LRP1B: variants seen among roughly 807,000 people sequenced by gnomAD.
LRP1B encodes LDL receptor related protein 1B, also known as low-density lipoprotein receptor-related protein 1B.
A neutral mutation model predicts 556.6 loss-of-function variants in LRP1B; 217 were observed. The observed-to-expected ratio is 0.39, with a 90% CI of 0.35 to 0.44. The LOEUF is 0.44. Ranked by LOEUF, LRP1B falls within the 20% of genes least tolerant of loss-of-function variation. The pLI is 1.00. For missense variants in LRP1B, 5,053 were observed against 5,620.8 expected, an observed-to-expected ratio of 0.90 and a Z score of 3.23; for synonymous variants, 2,047 against 1,865.8, an observed-to-expected ratio of 1.10 and a Z score of -2.50.
chr2:141,915,824 A>C (rs1008551543), intron 1 of LRP1B, among the ~76,000 whole-genome samples: 1 of 152,174 alleles, frequency 6.6e-6, no homozygotes, highest in African/African-American at 2.4e-5. Context: ...CAAACATATA[A>C]AAAATGCTCA....
At chr2:141,413,089 T>C (rs1357109620) in intron 3 of LRP1B, among the ~76,000 whole-genome samples, 2 of 152,086 alleles carry the variant, frequency 1.3e-5, no homozygotes, top group African/African-American at 4.8e-5. Context: ...TAGCCAGACA[T>C]GGTGGTGCAC....
intron 84 of LRP1B, among the ~76,000 whole-genome samples, chr2:140,295,296 C>T (rs1209305113): frequency 6.6e-6 from 1 of 152,146 alleles, no homozygotes; most frequent in Non-Finnish European, 1.5e-5. Context: ...TGAAAAGGAA[C>T]ATTGGCCTAG....
chr2:142,086,441 GT>G (rs968294803), intron 1 of LRP1B, among the ~76,000 whole-genome samples: 9 of 151,944 alleles, frequency 5.9e-5, no homozygotes, highest in African/African-American at 2.2e-4. Flanking sequence ...AACCTCCTCT[GT>G]ACAAATGCAA....
At chr2:140,509,633 C>T (rs765946888) in intron 52 of LRP1B, among the ~76,000 whole-genome samples, 12 of 152,102 alleles carry the variant, frequency 7.9e-5, no homozygotes, top group Non-Finnish European at 1.5e-4. Context: ...CTACTGCACT[C>T]GTACACATAA....
chr2:141,743,961 G>GATTA (rs140425133), intron 2 of LRP1B, among the ~76,000 whole-genome samples: 37 of 150,840 alleles, frequency 2.5e-4, no homozygotes, highest in African/African-American at 8.5e-4. Context: ...CTTTTTGTTT[G>GATTA]ATTCTTTATA....
intron 18 of LRP1B, among the ~76,000 whole-genome samples, chr2:140,953,093 T>C (rs971028489): frequency 6.6e-6 from 1 of 152,048 alleles, no homozygotes; most frequent in Non-Finnish European, 1.5e-5. Flanking sequence ...TTTTGTTTGT[T>C]TGTTTGTTTG....
chr2:141,038,839 G>A (rs1044815957), intron 11 of LRP1B, among the ~76,000 whole-genome samples: 1 of 152,090 alleles, frequency 6.6e-6, no homozygotes. Context: ...GTATGATAAA[G>A]TAACTGAGTT....
At chr2:141,936,034 A>G (rs1200600265) in intron 1 of LRP1B, among the ~76,000 whole-genome samples, 1 of 152,216 alleles carries the variant, frequency 6.6e-6, no homozygotes, top group Non-Finnish European at 1.5e-5. Flanking sequence ...TTTTATGTTA[A>G]TAACACTGTA....
At chr2:140,341,523 TATA>T (rs1454522372) in intron 77 of LRP1B, among the ~76,000 whole-genome samples, 7 of 151,522 alleles carry the variant, frequency 4.6e-5, no homozygotes, top group Admixed American at 1.3e-4. Flanking sequence ...TGATAATAAG[TATA>T]ATAATAATAT....
At position 140,335,685 on chromosome 2, in the gene LRP1B, G is replaced by A; in HGVS notation, c.12046C>T (p.Pro4016Ser). The change falls in exon 78 of 91, where the codon CCC becomes TCC. Residue 4016 changes from proline (P) to serine (S), a missense_variant. Pro to Ser is a moderately conservative substitution (Grantham distance 74). Transcript: ENST00000389484. The stretch of plus-strand genomic sequence containing the variant: ...TTTGTTAAGAGTCTGGTGCAGTTGG[G>A]GCCATTCAGCTGCCCTACGTTGATA... ...YSINVGQLNG[P>S]NCTRLLTNMA... The A allele has an allele frequency of 6.2e-7, 1 of 1,612,500 alleles. No homozygotes were observed. The highest frequency in any genetic ancestry group is 8.5e-7 in the Non-Finnish European group (1 of 1,178,872).
At chr2:141,002,228 A>G (rs201421544) in intron 15 of LRP1B, among the ~76,000 whole-genome samples, 1 of 67,226 alleles carries the variant, frequency 1.5e-5, no homozygotes, top group South Asian at 7.6e-4. Flanking sequence ...ATTACTAAAG[A>G]AAAAAAAACC....
intron 7 of LRP1B, among the ~76,000 whole-genome samples, chr2:141,155,410 A>C (rs780548053): frequency 2.0e-5 from 3 of 151,470 alleles, no homozygotes; most frequent in Non-Finnish European, 4.4e-5. Context: ...GAAATATACT[A>C]TTTTTCTGGA....
At chr2:142,097,845 T>C (rs991857103) in intron 1 of LRP1B, among the ~76,000 whole-genome samples, 1 of 151,720 alleles carries the variant, frequency 6.6e-6, no homozygotes, top group Admixed American at 6.6e-5. Flanking sequence ...AAGTAAGACA[T>C]GGTGTACACA....
intron 30 of LRP1B, among the ~76,000 whole-genome samples, chr2:140,840,653 T>A (rs535090390): frequency 6.6e-6 from 1 of 152,318 alleles, no homozygotes; most frequent in African/African-American, 2.4e-5. Context: ...CTACATCTCT[T>A]TTTATTCAGA....
chr2:140,600,345 A>G (rs1043777477), intron 42 of LRP1B, among the ~76,000 whole-genome samples: 2 of 152,142 alleles, frequency 1.3e-5, no homozygotes, highest in African/African-American at 4.8e-5. Context: ...CCCAAGCTCC[A>G]TGAGTCATTA....
chr2:141,193,734 GA>G (rs537644669), intron 6 of LRP1B, among the ~76,000 whole-genome samples: 9 of 137,524 alleles, frequency 6.5e-5, no homozygotes, highest in South Asian at 2.2e-4. Flanking sequence ...ATAAAAGTTA[GA>G]AAAAAAAACC....
rs1699143665 is a variant in LRP1B at position 141,055,134 on chromosome 2, C to T, written c.1534G>A (p.Asp512Asn). The T allele has an allele frequency of 6.2e-7, 1 of 1,612,060 alleles. No individual in the cohort carries two copies. The highest frequency in any genetic ancestry group is 8.5e-7 in the Non-Finnish European group (1 of 1,178,874). The change falls in exon 10 of 91, where the codon GAT becomes AAT. Residue 512 changes from aspartate (D) to asparagine (N), a missense_variant. Asp to Asn is a conservative substitution (Grantham distance 23, BLOSUM62 1). Transcript: ENST00000389484. ...RCRTGFNLGS[D>N]GRSCKRPKNE... ...AACATACTTTTGCATGACCTGCCAT[C>T]ACTTCCCAAGTTGAAGCCAGTCCTG...
intron 35 of LRP1B, among the ~76,000 whole-genome samples, chr2:140,750,440 G>GTTA (rs3061654): frequency 0.31 from 46,857 of 151,736 alleles, 7,256 homozygotes; most frequent in South Asian, 0.4. Flanking sequence ...TTATATTTTT[G>GTTA]TTATATATCC....
intron 41 of LRP1B, among the ~76,000 whole-genome samples, chr2:140,609,341 G>A (rs928440214): frequency 6.6e-6 from 1 of 152,080 alleles, no homozygotes; most frequent in African/African-American, 2.4e-5. Context: ...ATTATTTAAG[G>A]TTTCCTTTAG....
Sources: gnomAD v4.1 joint callset for allele counts (sites outside exome capture counted in the v4.1 genomes callset) on GRCh38, gnomAD v4.1.1 for gene constraint, MANE v1.5 for transcripts, NCBI Gene and HGNC (gene_info 2026-07-23, HGNC 2026-07-21) for gene names.